Variants in HPSE2 observed in about 807,000 individuals in gnomAD.
HPSE2 encodes heparanase 2 (inactive).
A neutral mutation model predicts 60.5 loss-of-function variants in HPSE2; 38 were observed. That is an observed-to-expected ratio of 0.63 (90% CI 0.48 to 0.82). The LOEUF is 0.82. Among genes scored for constraint, HPSE2 ranks in the 40% least tolerant of loss-of-function variants. The probability of loss-of-function intolerance (pLI) is 0.00; values close to 1 mark genes in which losing one functional copy is unlikely to be tolerated. For missense variants in HPSE2, 713 were observed against 740.4 expected (o/e 0.96, Z 0.43); for synonymous variants, 295 against 293.2 (o/e 1.01, Z -0.06).
intron 2 of HPSE2, among the ~76,000 whole-genome samples, chr10:99,223,702 C>T (rs1022403467): frequency 6.6e-6 from 1 of 152,100 alleles, no homozygotes; most frequent in African/African-American, 2.4e-5. Context: ...GTATGTGTAA[C>T]AATAGCAGTG....
intron 2 of HPSE2, among the ~76,000 whole-genome samples, chr10:99,211,003 T>A (rs1224609222): frequency 2.0e-5 from 3 of 152,150 alleles, no homozygotes; most frequent in African/African-American, 7.2e-5. Context: ...CATAATCTTA[T>A]ATCTAGAAAA....
At chr10:98,732,364 C>T (rs936562801) in intron 4 of HPSE2, among the ~76,000 whole-genome samples, 1 of 152,114 alleles carries the variant, frequency 6.6e-6, no homozygotes, top group African/African-American at 2.4e-5. Context: ...GGAGGATTTA[C>T]ATTTCCAAAT....
chr10:98,705,755 C>T (rs949069506), intron 5 of HPSE2, among the ~76,000 whole-genome samples: 5 of 151,878 alleles, frequency 3.3e-5, no homozygotes, highest in Admixed American at 6.6e-5. Context: ...GGTCCAGTCG[C>T]GGGGTGGGGG....
At chr10:98,832,347 T>C (rs1951701444) in intron 3 of HPSE2, among the ~76,000 whole-genome samples, 1 of 152,188 alleles carries the variant, frequency 6.6e-6, no homozygotes, top group South Asian at 2.1e-4. Flanking sequence ...ATGTCAGGAA[T>C]GAGGTCTGGG....
the HPSE2 span, among the ~76,000 whole-genome samples, chr10:99,271,614 C>T: frequency 6.6e-6 from 1 of 152,124 alleles, no homozygotes; most frequent in African/African-American, 2.4e-5. Context: ...CAAAGTACCA[C>T]CATCATTCTT....
the HPSE2 span, among the ~76,000 whole-genome samples, chr10:99,267,247 T>C: frequency 1.3e-5 from 2 of 151,762 alleles, no homozygotes; most frequent in East Asian, 1.9e-4. Context: ...TGATACAAGA[T>C]ACAAGGGGAA....
chr10:99,168,115 C>G (rs1847160142), intron 2 of HPSE2, among the ~76,000 whole-genome samples: 1 of 151,616 alleles, frequency 6.6e-6, no homozygotes, highest in African/African-American at 2.4e-5. Context: ...CACACACACA[C>G]ACACACACAC....
At chr10:99,266,245 C>T in the HPSE2 span, among the ~76,000 whole-genome samples, 3 of 152,138 alleles carry the variant, frequency 2.0e-5, no homozygotes, top group South Asian at 6.2e-4. Flanking sequence ...AGGCTGGTTG[C>T]CTGAGGCAAG....
At chr10:98,545,365 A>G (rs1943632247) in intron 9 of HPSE2, among the ~76,000 whole-genome samples, 1 of 152,234 alleles carries the variant, frequency 6.6e-6, no homozygotes, top group South Asian at 2.1e-4. Flanking sequence ...AGAGAATTTT[A>G]GACCAATATC....
At chr10:98,897,922 A>G (rs1410540452) in intron 3 of HPSE2, among the ~76,000 whole-genome samples, 1 of 152,150 alleles carries the variant, frequency 6.6e-6, no homozygotes, top group Non-Finnish European at 1.5e-5. Flanking sequence ...ACTGGGCAAA[A>G]AAGATTTTCA....
chr10:99,220,250 T>C (rs1235235992), intron 2 of HPSE2, among the ~76,000 whole-genome samples: 1 of 151,874 alleles, frequency 6.6e-6, no homozygotes, highest in Non-Finnish European at 1.5e-5. Context: ...TATGATACTA[T>C]AGCACAAATA....
chr10:98,492,522 A>G lies in HPSE2; in HGVS notation c.1321-2326T>C, dbSNP rs147263095. ...GTCTCAAAAAAGACAAAAAAAAAAA[A>G]AAAAGAAAAGAAAAGAGATATTATG... On this transcript the variant is annotated intron_variant, in intron 9 of 11. Coordinates refer to ENST00000370552, the MANE Select transcript of HPSE2 (RefSeq NM_021828.5). Among the ~76,000 whole-genome samples the G allele has an allele frequency of 9.6e-3, 1,457 of 151,650 alleles. 28 individuals are homozygous for G. The highest frequency in any genetic ancestry group is 0.034 in the African/African-American group (1,406 of 41,398).
intron 2 of HPSE2, among the ~76,000 whole-genome samples, chr10:99,172,531 A>G (rs1251856780): frequency 6.6e-6 from 1 of 152,186 alleles, no homozygotes; most frequent in Non-Finnish European, 1.5e-5. Context: ...GGTCCTATCT[A>G]CCCTCAAGGA....
intron 7 of HPSE2, among the ~76,000 whole-genome samples, chr10:98,638,274 T>A (rs1273266902): frequency 1.4e-5 from 2 of 145,868 alleles, no homozygotes; most frequent in Non-Finnish European, 1.5e-5. Context: ...TGAAACCCCA[T>A]CTCTACTAAA....
At chr10:98,876,184 A>G (rs1367513820) in intron 3 of HPSE2, among the ~76,000 whole-genome samples, 2 of 151,950 alleles carry the variant, frequency 1.3e-5, no homozygotes, top group Non-Finnish European at 2.9e-5. Flanking sequence ...ATGGTTTCCC[A>G]TTATAGGAAG....
intron 3 of HPSE2, among the ~76,000 whole-genome samples, chr10:98,966,115 C>T (rs1260679648): frequency 6.6e-6 from 1 of 152,036 alleles, no homozygotes; most frequent in Non-Finnish European, 1.5e-5. Context: ...GGTCTTGAAC[C>T]CATGACCTCA....
intron 8 of HPSE2, among the ~76,000 whole-genome samples, chr10:98,617,945 C>T (rs1945961445): frequency 6.6e-6 from 1 of 152,090 alleles, no homozygotes; most frequent in East Asian, 1.9e-4. Flanking sequence ...CTCAGAGTTA[C>T]GTGATATATA....
chr10:98,848,631 C>A (rs534593866), intron 3 of HPSE2, among the ~76,000 whole-genome samples: 2 of 152,116 alleles, frequency 1.3e-5, no homozygotes, highest in African/African-American at 4.8e-5. Context: ...TTCCTTACTG[C>A]TCTATTCCTT....
At chr10:98,925,289 A>C (rs1564660427) in intron 3 of HPSE2, among the ~76,000 whole-genome samples, 1 of 152,006 alleles carries the variant, frequency 6.6e-6, no homozygotes. Context: ...CCAGAGGGAC[A>C]AACAGTGAAG....
Sources: gnomAD v4.1 joint callset for allele counts (sites outside exome capture counted in the v4.1 genomes callset) on GRCh38, gnomAD v4.1.1 for gene constraint, MANE v1.5 for transcripts, NCBI Gene and HGNC (gene_info 2026-07-23, HGNC 2026-07-21) for gene names.